Variants in CYBRD1 observed in about 807,000 individuals in gnomAD.
CYBRD1 encodes cytochrome b reductase 1, also known as plasma membrane ascorbate-dependent reductase CYBRD1.
Under a neutral mutation model 21.9 loss-of-function variants are expected in CYBRD1, and 14 were observed. The observed-to-expected ratio is 0.64, with a 90% CI of 0.42 to 1.00. The LOEUF (loss-of-function observed/expected upper bound fraction) is 1.00, where lower values mean the gene tolerates loss of function less well. Among genes scored for constraint, CYBRD1 ranks in the 50% least tolerant of loss-of-function variants. The pLI is 0.00. For missense variants in CYBRD1, 328 were observed against 352.5 expected (o/e 0.93, Z 0.56); for synonymous variants, 146 against 136.5 (o/e 1.07, Z -0.48).
chr2:171,535,394 G>C (rs558456463), intron 1 of CYBRD1, among the ~76,000 whole-genome samples: 1 of 152,188 alleles, frequency 6.6e-6, no homozygotes, highest in Non-Finnish European at 1.5e-5. Context: ...GAAAGCTAGC[G>C]TGCAGCCAAT....
At chr2:171,526,086 G>A (rs112352153) in intron 1 of CYBRD1, among the ~76,000 whole-genome samples, 12,356 of 152,076 alleles carry the variant, frequency 0.081, 672 homozygotes, top group Middle Eastern at 0.18. Context: ...GGCCAACATG[G>A]TGAAACACTG....
intron 1 of CYBRD1, among the ~76,000 whole-genome samples, chr2:171,539,507 T>C (rs2105337681): frequency 6.6e-6 from 1 of 152,196 alleles, no homozygotes; most frequent in Middle Eastern, 3.4e-3. Flanking sequence ...ACCCTGCTGA[T>C]ATAGTGGAAT....
At chr2:171,533,168 A>G (rs1317835340) in intron 1 of CYBRD1, among the ~76,000 whole-genome samples, 2 of 151,936 alleles carry the variant, frequency 1.3e-5, no homozygotes, top group Non-Finnish European at 2.9e-5. Flanking sequence ...GGAGTTCGAG[A>G]CGAGCCTGGC....
rs1206531238 is a variant in CYBRD1, at chr2:171,522,680, A to G, written c.135A>G (p.Leu45=). The G allele has an allele frequency of 6.2e-7, 1 of 1,613,054 alleles. No homozygotes were observed. Among genetic ancestry groups the G allele is most frequent in the Non-Finnish European group, 8.5e-7 (1 of 1,179,874 alleles). The change falls in exon 1 of 4, where the codon CTA becomes CTG. Residue 45 remains leucine (L), a synonymous_variant. Coordinates refer to ENST00000321348, the MANE Select transcript of CYBRD1 (RefSeq NM_024843.4). This position sits in a 1 kb window ranked among gnomAD's most constrained non-coding sequence, Gnocchi z 4.3. ...REGLGWDGSA[L]EFNWHPVLMV... ...GGCTTGGCTGGGATGGGAGCGCACT[A>G]GAGTTTAACTGGCACCCAGTGCTCA...
At chr2:171,529,350 G>A (rs1343691256) in intron 1 of CYBRD1, among the ~76,000 whole-genome samples, 1 of 151,978 alleles carries the variant, frequency 6.6e-6, no homozygotes, top group Non-Finnish European at 1.5e-5. Context: ...TGACCAACAT[G>A]GAGAAACCCC....
At chr2:171,537,586 T>A (rs934404020) in intron 1 of CYBRD1, among the ~76,000 whole-genome samples, 3 of 152,268 alleles carry the variant, frequency 2.0e-5, no homozygotes, top group East Asian at 1.9e-4. Flanking sequence ...AAGTAAATTT[T>A]AAAAAAACCT....
At chr2:171,529,531 C>CAAAAA (rs57600338) in intron 1 of CYBRD1, among the ~76,000 whole-genome samples, 10 of 69,296 alleles carry the variant, frequency 1.4e-4, no homozygotes, top group South Asian at 7.4e-4. Flanking sequence ...AACTCTGTCT[C>CAAAAA]AAAAAAAAAA....
chr2:171,533,289 C>T (rs1697497750), intron 1 of CYBRD1, among the ~76,000 whole-genome samples: 2 of 152,166 alleles, frequency 1.3e-5, no homozygotes, highest in African/African-American at 4.8e-5. Context: ...ATTGCTTGAA[C>T]CCGGGAATCC....
At chr2:171,522,376 C>T, upstream of CYBRD1, 1 of 1,495,988 alleles carries the variant, frequency 6.7e-7, no homozygotes, top group Non-Finnish European at 8.9e-7. The surrounding 1 kb of genome is among the most constrained non-coding windows in gnomAD (Gnocchi z 4.3). Flanking sequence ...CAGCTCCCCA[C>T]CCCCAAGAGG....
intron 1 of CYBRD1, among the ~76,000 whole-genome samples, chr2:171,528,504 T>C (rs1389299026): frequency 2.2e-5 from 3 of 138,470 alleles, no homozygotes; most frequent in Non-Finnish European, 4.7e-5. Flanking sequence ...TCTCCTTTGC[T>C]GGTTCTTCCT....
chr2:171,552,919 T>G (rs1683403262), intron 2 of CYBRD1, among the ~76,000 whole-genome samples: 1 of 152,194 alleles, frequency 6.6e-6, no homozygotes, highest in African/African-American at 2.4e-5. Flanking sequence ...CTTAGGAGAT[T>G]GGTAAAAACA....
chr2:171,549,312 G>A (rs1305864241), intron 2 of CYBRD1, among the ~76,000 whole-genome samples: 1 of 152,080 alleles, frequency 6.6e-6, no homozygotes, highest in Non-Finnish European at 1.5e-5. Context: ...TCAAATTCCT[G>A]GCCTCAAGTG....
chr2:171,537,242 C>T (rs1003078506), intron 1 of CYBRD1, among the ~76,000 whole-genome samples: 4 of 152,086 alleles, frequency 2.6e-5, no homozygotes, highest in Non-Finnish European at 5.9e-5. Context: ...CTTCATATAT[C>T]GCACATTTTT....
At chr2:171,550,098 T>G (rs535785287) in intron 2 of CYBRD1, among the ~76,000 whole-genome samples, 103 of 152,256 alleles carry the variant, frequency 6.8e-4, no homozygotes, top group Admixed American at 1.8e-3. Flanking sequence ...CTTTTTATTT[T>G]TTATTTTTTT....
In CYBRD1 at chr2:171,541,581, C is replaced by A. The variant is rs62181678; in HGVS notation, c.194-4C>A. On this transcript the variant is annotated splice_polypyrimidine_tract_variant and splice_region_variant and intron_variant, in intron 1 of 3. Transcript: ENST00000321348. ...ACATTCTGTGTCCTTTCGTCTTTCC[C>A]TAGCCATCATCGTCTACAGACTGCC... 31 of 1,613,412 alleles carry A rather than the reference C, an allele frequency of 1.9e-5. No homozygotes were observed. The highest frequency in any genetic ancestry group is 2.6e-5 in the Non-Finnish European group (31 of 1,179,638).
In CYBRD1 at chr2:171,522,614, G is replaced by A. The variant is rs767411280; in HGVS notation, c.69G>A (p.Ser23=). ...CGGCACTGCTCGTCGGCTTCCTGTCGGTGATCTTCGCCCTCGTCTGGGTCC... is the reference window on the plus strand; with the variant it reads ...CGGCACTGCTCGTCGGCTTCCTGTCAGTGATCTTCGCCCTCGTCTGGGTCC... ...LGSALLVGFL[S]VIFALVWVLH... Residue 23 remains serine (S), a synonymous_variant, in exon 1 of 4, where the codon TCG becomes TCA. Transcript: ENST00000321348. This position sits in a 1 kb window ranked among gnomAD's most constrained non-coding sequence, Gnocchi z 4.3. 1.9e-6 allele frequency: 3 copies of A among 1,613,078 alleles called. No homozygotes were observed. The African/African-American group carries it at 4.0e-5, about 22-fold the overall frequency.
At chr2:171,537,710 G>A (rs1016673756) in intron 1 of CYBRD1, among the ~76,000 whole-genome samples, 1 of 152,178 alleles carries the variant, frequency 6.6e-6, no homozygotes, top group Non-Finnish European at 1.5e-5. Flanking sequence ...TCTCTGTACT[G>A]TTTCTTACAA....
At chr2:171,522,252 T>G, upstream of CYBRD1, 1 of 1,549,948 alleles carries the variant, frequency 6.5e-7, no homozygotes, top group Non-Finnish European at 8.7e-7. This position sits in a 1 kb window ranked among gnomAD's most constrained non-coding sequence, Gnocchi z 4.3. Context: ...GGTCTGTTAC[T>G]GAAGCCCTCT....
chr2:171,541,825 AT>A, intron 2 of CYBRD1, 32 bp downstream of exon 2: 1 of 1,498,504 alleles, frequency 6.7e-7, no homozygotes, highest in Non-Finnish European at 9.3e-7. Flanking sequence ...CAAGCAAGTT[AT>A]AAAAACAATT....
Sources: gnomAD v4.1 joint callset for allele counts (sites outside exome capture counted in the v4.1 genomes callset) on GRCh38, gnomAD v4.1.1 for gene constraint, Gnocchi (gnomAD v3.1) non-coding constraint, MANE v1.5 for transcripts, NCBI Gene and HGNC (gene_info 2026-07-23, HGNC 2026-07-21) for gene names.